Variants in FCHSD2 observed in about 807,000 individuals in gnomAD.
FCHSD2 encodes F-BAR and double SH3 domains protein 2.
FCHSD2 carries 38 observed loss-of-function variants against 108.1 expected under a neutral mutation model. The observed-to-expected ratio is 0.35, with a 90% confidence interval of 0.27 to 0.46. FCHSD2 has a LOEUF of 0.46. FCHSD2 is among the 20% of genes least tolerant of loss of function. The pLI is 1.00. For missense variants in FCHSD2, 751 were observed against 897.8 expected (o/e 0.84, Z 2.09); for synonymous variants, 279 against 314.7 (o/e 0.89, Z 1.20).
rs376887668 is a variant in FCHSD2 at position 73,120,114 on chromosome 11, G to A, written c.119+19917C>T. 2.4e-4 allele frequency among the ~76,000 whole-genome samples: 37 copies of A among 151,862 alleles called. No homozygotes were observed. In the Middle Eastern group the frequency reaches 0.02, roughly 84 times the overall value. On this transcript the variant is annotated intron_variant, in intron 2 of 19. Coordinates refer to ENST00000409418, the MANE Select transcript of FCHSD2 (RefSeq NM_014824.3). ...TATTCACTACCACCAAGAACAGCAC[G>A]GTGGAAACCACCCCCATGATTCAAT...
intron 3 of FCHSD2, among the ~76,000 whole-genome samples, chr11:73,017,622 G>A (rs775420193): frequency 3.9e-5 from 6 of 152,096 alleles, no homozygotes; most frequent in South Asian, 2.1e-4. Context: ...CTACATATCC[G>A]TAACAGTTCC....
rs1565339614 is a variant in FCHSD2, at chr11:72,954,196, A to AATTTTTTTTTTTTTTTTTTTT, written c.705+29891_705+29892insAAAAAAAAAAAAAAAAAAAAT. ...TAGAATATTAGCAGTAGATGTGGGG[A>AATTTTTTTTTTTTTTTTTTTT]TTTTTTTTTTTTTTTTTTTTTTTTT... On this transcript the variant is annotated intron_variant, in intron 8 of 19. Transcript: ENST00000409418. Among the ~76,000 whole-genome samples, 34 of 111,702 alleles carry AATTTTTTTTTTTTTTTTTTTT rather than the reference A, an allele frequency of 3.0e-4. 13 individuals carry two copies. Among genetic ancestry groups the AATTTTTTTTTTTTTTTTTTTT allele is most frequent in the African/African-American group, 1.7e-4 (5 of 29,398 alleles). 73.3% of individuals were successfully genotyped at this position (111,702 alleles called of 152,430 possible).
chr11:73,049,519 C>T (rs1422885439), intron 3 of FCHSD2, among the ~76,000 whole-genome samples: 3 of 130,304 alleles, frequency 2.3e-5, no homozygotes, highest in Non-Finnish European at 4.7e-5. Context: ...TTTTATCACA[C>T]TCTGGGGACT....
chr11:73,097,392 T>C (rs1439719055), intron 2 of FCHSD2, among the ~76,000 whole-genome samples: 1 of 151,418 alleles, frequency 6.6e-6, no homozygotes, highest in African/African-American at 2.4e-5. Context: ...TTATTTTTTT[T>C]TTTTGCATCT....
At chr11:72,856,105 A>T (rs893007525) in intron 13 of FCHSD2, among the ~76,000 whole-genome samples, 10 of 152,248 alleles carry the variant, frequency 6.6e-5, no homozygotes, top group African/African-American at 2.4e-4. Context: ...TAGGAGAGCC[A>T]TTACATTAAT....
At chr11:72,967,643 T>C (rs1856935478) in intron 8 of FCHSD2, among the ~76,000 whole-genome samples, 1 of 151,768 alleles carries the variant, frequency 6.6e-6, no homozygotes, top group African/African-American at 2.4e-5. Context: ...GCCAATGGGG[T>C]ATAGAGCTTT....
intron 3 of FCHSD2, among the ~76,000 whole-genome samples, chr11:73,017,760 A>G (rs2135435562): frequency 6.6e-6 from 1 of 152,286 alleles, no homozygotes; most frequent in South Asian, 2.1e-4. Context: ...AACCACTCCT[A>G]TTCCTACTTG....
chr11:72,965,010 C>T (rs975660955), intron 8 of FCHSD2, among the ~76,000 whole-genome samples: 4 of 151,992 alleles, frequency 2.6e-5, no homozygotes, highest in South Asian at 2.1e-4. Context: ...AGGATGGTCT[C>T]AATTTCCCAA....
At chr11:73,079,867 G>C (rs1271827333) in intron 3 of FCHSD2, among the ~76,000 whole-genome samples, 1 of 151,850 alleles carries the variant, frequency 6.6e-6, no homozygotes, top group Non-Finnish European at 1.5e-5. Context: ...AGACACACTG[G>C]AGTATTTTAA....
rs1195205209 is a variant in FCHSD2 at position 72,988,950 on chromosome 11, G to T, written c.521+14C>A. 2 of 1,596,432 alleles carry T rather than the reference G, an allele frequency of 1.3e-6. No individual in the cohort carries two copies. Among genetic ancestry groups the T allele is most frequent in the African/African-American group, 2.7e-5 (2 of 74,044 alleles). On this transcript the variant is annotated intron_variant, in intron 6 of 19. Coordinates refer to ENST00000409418, the MANE Select transcript of FCHSD2 (RefSeq NM_014824.3). ...TTTGCATAATAATTTTCTCAGAAAT[G>T]TTAAAACACATACTTTGCCTCGATG...
rs1422224979 is a variant in FCHSD2, at chr11:72,991,155, A to G, written c.388-2058T>C. The stretch of plus-strand genomic sequence containing the variant: ...TCGACACATACACCCTCCCAAGACT[A>G]AACCAGGAAGAAGTTGAATCTCTGA... On this transcript the variant is annotated intron_variant, in intron 5 of 19. Transcript: ENST00000409418. Among the ~76,000 whole-genome samples the G allele has an allele frequency of 4.6e-5, 7 of 152,228 alleles. No homozygotes were observed. In the East Asian group the frequency reaches 1.3e-3, roughly 29 times the overall value.
intron 12 of FCHSD2, among the ~76,000 whole-genome samples, chr11:72,879,278 G>T (rs963321180): frequency 2.6e-5 from 4 of 152,112 alleles, no homozygotes; most frequent in African/African-American, 9.7e-5. Flanking sequence ...TGATCAAACT[G>T]ATCTGCAAGT....
At chr11:73,141,591 C>G (rs1178083894) in intron 1 of FCHSD2, among the ~76,000 whole-genome samples, 2 of 152,230 alleles carry the variant, frequency 1.3e-5, no homozygotes, top group South Asian at 2.1e-4. Flanking sequence ...CATGCGCGCG[C>G]ACACACACAA....
At chr11:73,136,305 T>G (rs1392722901) in intron 2 of FCHSD2, among the ~76,000 whole-genome samples, 5 of 152,166 alleles carry the variant, frequency 3.3e-5, no homozygotes, top group African/African-American at 1.2e-4. Flanking sequence ...TTTTGACATT[T>G]TCTCAAGCTG....
intron 10 of FCHSD2, among the ~76,000 whole-genome samples, 163 bp downstream of exon 10, chr11:72,902,380 A>G (rs886236571): frequency 6.6e-6 from 1 of 152,166 alleles, no homozygotes; most frequent in Non-Finnish European, 1.5e-5. Flanking sequence ...CTTGGCCACA[A>G]TTCAGAAAAA....
chr11:72,978,633 T>C (rs796516012), intron 8 of FCHSD2, among the ~76,000 whole-genome samples: 61 of 152,222 alleles, frequency 4.0e-4, no homozygotes, highest in African/African-American at 1.4e-3. Flanking sequence ...ATTTCCCTGA[T>C]GCTGTTCTCA....
At chr11:72,866,633 G>A (rs957325022) in intron 13 of FCHSD2, among the ~76,000 whole-genome samples, 1 of 152,176 alleles carries the variant, frequency 6.6e-6, no homozygotes, top group African/African-American at 2.4e-5. Flanking sequence ...AGTGGGTGAT[G>A]TTTCTTTTTC....
intron 9 of FCHSD2, among the ~76,000 whole-genome samples, chr11:72,917,436 A>G (rs754521691): frequency 2.6e-5 from 4 of 152,150 alleles, no homozygotes; most frequent in Non-Finnish European, 5.9e-5. Context: ...ATTCTGTTTC[A>G]TTGGTCTATA....
chr11:73,017,872 C>T (rs1858009004), intron 3 of FCHSD2, among the ~76,000 whole-genome samples: 2 of 152,150 alleles, frequency 1.3e-5, no homozygotes, highest in Non-Finnish European at 2.9e-5. Flanking sequence ...TGCCTAGGTA[C>T]TTATTTTCAT....
Sources: allele counts gnomAD v4.1 joint callset (sites outside exome capture counted in the v4.1 genomes callset), GRCh38; gene constraint gnomAD v4.1.1; transcripts MANE v1.5; gene names NCBI Gene and HGNC (gene_info 2026-07-23, HGNC 2026-07-21).